Variants in DLGAP1 observed in about 807,000 individuals in gnomAD.
DLGAP1 encodes the protein DLG associated protein 1.
Under a neutral mutation model 90.8 loss-of-function variants are expected in DLGAP1, and 11 were observed. The observed-to-expected ratio is 0.12, with a 90% CI of 0.08 to 0.20. The LOEUF (loss-of-function observed/expected upper bound fraction) is 0.20, where lower values mean the gene tolerates loss of function less well. DLGAP1 is among the 10% of genes least tolerant of loss of function. The probability of loss-of-function intolerance (pLI) is 1.00; values close to 1 mark genes in which losing one functional copy is unlikely to be tolerated. For synonymous variants in DLGAP1, 558 were observed against 540.7 expected (o/e 1.03, Z -0.44); for missense variants, 1,050 against 1,333.8 (o/e 0.79, Z 3.31).
At chr18:4,131,472 C>G (rs562531025) in intron 2 of DLGAP1, among the ~76,000 whole-genome samples, 1 of 152,266 alleles carries the variant, frequency 6.6e-6, no homozygotes, top group East Asian at 1.9e-4. Flanking sequence ...TTGCCAGTAC[C>G]CTACTTGGCT....
At chr18:3,956,570 A>G (rs112149338) in intron 3 of DLGAP1, among the ~76,000 whole-genome samples, 21 of 152,108 alleles carry the variant, frequency 1.4e-4, no homozygotes, top group African/African-American at 2.4e-4. Context: ...GGATGGTCTC[A>G]ATCTCCTGAC....
intron 3 of DLGAP1, among the ~76,000 whole-genome samples, chr18:3,884,657 C>T (rs1459419888): frequency 6.6e-6 from 1 of 152,156 alleles, no homozygotes; most frequent in Non-Finnish European, 1.5e-5. Context: ...AATGATGTAA[C>T]CAATGATAAT....
At chr18:4,031,948 A>G (rs776036132) in intron 2 of DLGAP1, among the ~76,000 whole-genome samples, 1 of 152,272 alleles carries the variant, frequency 6.6e-6, no homozygotes, top group African/African-American at 2.4e-5. Context: ...ACATATGGTC[A>G]TATGTGAACA....
chr18:3,560,503 T>C (rs1464527977), intron 9 of DLGAP1, among the ~76,000 whole-genome samples: 1 of 146,994 alleles, frequency 6.8e-6, no homozygotes, highest in Non-Finnish European at 1.5e-5. Context: ...TGCAGGAGAA[T>C]TTCTTGAACC....
intron 1 of DLGAP1, among the ~76,000 whole-genome samples, chr18:4,152,175 T>C (rs755857526): frequency 9.2e-5 from 14 of 152,164 alleles, no homozygotes; most frequent in Non-Finnish European, 1.6e-4. Flanking sequence ...AAAGTGTAAA[T>C]ACCTGTAAAG....
chr18:4,253,907 T>C (rs1336780726), intron 1 of DLGAP1, among the ~76,000 whole-genome samples: 3 of 152,088 alleles, frequency 2.0e-5, no homozygotes, highest in East Asian at 1.9e-4. Context: ...TTGTATGTTG[T>C]TTCTACTCGC....
chr18:3,717,039 C>CTT lies in DLGAP1; in HGVS notation c.1591+12094_1591+12095dup, dbSNP rs56981271. 1.1e-3 allele frequency among the ~76,000 whole-genome samples: 120 copies of CTT among 113,820 alleles called. 1 individual carries two copies. Among genetic ancestry groups the CTT allele is most frequent in the Middle Eastern group, 0.01 (2 of 194 alleles). The allele number at this position is 113,820 out of a possible 152,430, so 74.7% of individuals were successfully genotyped here. A position where few individuals can be genotyped will look rare whatever the true frequency, so the allele number is the denominator to read the frequency against. ...AGCGGTGCAAAGAGGGTGAGTTTGC[C>CTT]TTTTTTTTTTTTTTTTTTTTTTTAG... On this transcript the variant is annotated intron_variant, in intron 7 of 12. Coordinates refer to ENST00000315677, the MANE Select transcript of DLGAP1 (RefSeq NM_004746.4).
rs186127457 is a variant in DLGAP1, at chr18:3,652,807, T to C, written c.1592-70559A>G. On this transcript the variant is annotated intron_variant, in intron 7 of 12. Transcript: ENST00000315677. ...ACCTATGAGGTATAAACAAATCGCC[T>C]TGCAGACAAGTCTCAACACAGAACA... 1.7e-3 allele frequency among the ~76,000 whole-genome samples: 256 copies of C among 152,364 alleles called. 2 individuals carry two copies. In the Middle Eastern group the frequency reaches 0.02, roughly 12 times the overall value.
intron 3 of DLGAP1, among the ~76,000 whole-genome samples, chr18:3,959,168 G>A (rs1457470709): frequency 1.3e-5 from 2 of 151,720 alleles, no homozygotes; most frequent in Non-Finnish European, 2.9e-5. Flanking sequence ...CCTTATAATC[G>A]CCTCAGTTTT....
At position 3,932,089 on chromosome 18, in the gene DLGAP1, G is replaced by A. The variant is rs536995871; in HGVS notation, c.-72-51949C>T. The stretch of plus-strand genomic sequence containing the variant: ...CTGGTCTCAGAAGTAGAAAGGTTGC[G>A]TGAGGGTGTCTAAAATATACTTAAG... On this transcript the variant is annotated intron_variant, in intron 3 of 12. Coordinates refer to ENST00000315677, the MANE Select transcript of DLGAP1 (RefSeq NM_004746.4). Among the ~76,000 whole-genome samples, 26 of 152,288 alleles carry A rather than the reference G, an allele frequency of 1.7e-4. No homozygotes were observed. The South Asian group carries it at 5.0e-3, about 29-fold the overall frequency.
Position 4,446,982 on chromosome 18 carries a change from T to C in DLGAP1, c.-267+8024A>G, listed in dbSNP as rs1377973350. On this transcript the variant is annotated intron_variant, in intron 1 of 12. Coordinates refer to ENST00000315677, the MANE Select transcript of DLGAP1 (RefSeq NM_004746.4). The stretch of plus-strand genomic sequence containing the variant: ...AACAAATTAAAACTACAATGAGATA[T>C]CATTTCATATCCATAAGATTGGCCA... Among the ~76,000 whole-genome samples, 15 of 152,308 alleles carry C rather than the reference T, an allele frequency of 9.8e-5. No individual in the cohort carries two copies. In the East Asian group the frequency reaches 2.9e-3, roughly 29 times the overall value.
intron 1 of DLGAP1, among the ~76,000 whole-genome samples, chr18:4,349,764 C>T (rs1426436591): frequency 1.3e-5 from 2 of 151,840 alleles, no homozygotes; most frequent in Non-Finnish European, 2.9e-5. Context: ...CTAATGAGTA[C>T]TTCTGGGGGT....
At chr18:3,597,785 C>T (rs2056666590) in intron 7 of DLGAP1, 1 of 156,926 alleles carries the variant, frequency 6.4e-6, no homozygotes, top group African/African-American at 2.4e-5. Context: ...ATCCACCGTT[C>T]CTTCCTGTTG....
At chr18:4,135,221 G>T (rs375542360) in intron 2 of DLGAP1, among the ~76,000 whole-genome samples, 1 of 152,078 alleles carries the variant, frequency 6.6e-6, no homozygotes, top group Non-Finnish European at 1.5e-5. Context: ...TTATGCAACT[G>T]GGTGGGTGGG....
intron 7 of DLGAP1, among the ~76,000 whole-genome samples, chr18:3,604,773 T>G (rs1265173146): frequency 6.6e-6 from 1 of 152,184 alleles, no homozygotes; most frequent in Non-Finnish European, 1.5e-5. Context: ...GAGTTGTCAC[T>G]TAGTGGGTAG....
intron 3 of DLGAP1, among the ~76,000 whole-genome samples, chr18:3,928,006 A>C (rs1335045782): frequency 2.0e-5 from 3 of 152,118 alleles, no homozygotes; most frequent in Non-Finnish European, 4.4e-5. Flanking sequence ...CCTGCTGGGG[A>C]ATTTTTGCCC....
At chr18:4,019,271 T>C (rs938032002) in intron 2 of DLGAP1, among the ~76,000 whole-genome samples, 4 of 152,180 alleles carry the variant, frequency 2.6e-5, no homozygotes, top group African/African-American at 9.7e-5. Context: ...AATTAGAATC[T>C]ATTTTATCCA....
intron 2 of DLGAP1, among the ~76,000 whole-genome samples, chr18:4,076,348 C>A (rs1395969263): frequency 6.6e-6 from 1 of 152,044 alleles, no homozygotes; most frequent in Non-Finnish European, 1.5e-5. Context: ...TAATCCACAC[C>A]TTTTAAGTAC....
intron 5 of DLGAP1, among the ~76,000 whole-genome samples, chr18:3,783,537 A>G (rs571009806): frequency 4.1e-4 from 62 of 152,212 alleles, no homozygotes; most frequent in Non-Finnish European, 6.8e-4. Flanking sequence ...TAAATGAAAG[A>G]AAGGGTCACA....
Sources: gnomAD v4.1 joint callset for allele counts (sites outside exome capture counted in the v4.1 genomes callset) on GRCh38, gnomAD v4.1.1 for gene constraint, MANE v1.5 for transcripts, NCBI Gene and HGNC (gene_info 2026-07-23, HGNC 2026-07-21) for gene names.